Variants in AIG1 observed in about 807,000 individuals in gnomAD.
AIG1 encodes androgen induced 1, also known as androgen-induced gene 1 protein.
AIG1 carries 23 observed loss-of-function variants against 31.4 expected under a neutral mutation model. The observed-to-expected ratio is 0.73, with a 90% CI of 0.53 to 1.04. The LOEUF is 1.04. Among genes scored for constraint, AIG1 ranks in the 50% least tolerant of loss-of-function variants. The pLI is 0.00. For synonymous variants in AIG1, 100 were observed against 110.5 expected, an observed-to-expected ratio of 0.90 and a Z score of 0.60; for missense variants, 274 against 295.0, an observed-to-expected ratio of 0.93 and a Z score of 0.52.
In AIG1 at chr6:143,321,514, C is replaced by T. The variant is rs150488985; in HGVS notation, c.516-11768C>T. 7.7e-3 allele frequency among the ~76,000 whole-genome samples: 1,172 copies of T among 152,050 alleles called. 13 individuals are homozygous for T. Among genetic ancestry groups the T allele is most frequent in the African/African-American group, 0.027 (1,112 of 41,470 alleles). The stretch of plus-strand genomic sequence containing the variant: ...CTCAGGAGTCTGAGGCAGAGAATCT[C>T]TTGAACCTGGGAGGCAAAGGTTGCA... On this transcript the variant is annotated intron_variant, in intron 4 of 5. Transcript: ENST00000357847.
intron 4 of AIG1, among the ~76,000 whole-genome samples, chr6:143,296,086 T>TAC (rs1008728584): frequency 6.6e-6 from 1 of 151,696 alleles, no homozygotes; most frequent in Non-Finnish European, 1.5e-5. Flanking sequence ...CGCACACACA[T>TAC]ACACACACAC....
intron 1 of AIG1, among the ~76,000 whole-genome samples, chr6:143,078,721 A>G (rs1777948168): frequency 6.6e-6 from 1 of 152,134 alleles, no homozygotes; most frequent in Non-Finnish European, 1.5e-5. Flanking sequence ...AACCACCCCC[A>G]TGATTCAATT....
In AIG1 at chr6:143,339,771, C is replaced by G; in HGVS notation, c.*95C>G. Reference sequence around the variant, plus strand: ...TGGGGGAGAAAAGGCTTCAAAGGAACTTGGTGGCATCAGCACCCCCCTCCC... The same window carrying G: ...TGGGGGAGAAAAGGCTTCAAAGGAAGTTGGTGGCATCAGCACCCCCCTCCC... On this transcript the variant is annotated 3_prime_UTR_variant, in exon 6 of 6. Coordinates refer to ENST00000357847, the MANE Select transcript of AIG1 (RefSeq NM_016108.4). 2 of 1,368,514 alleles carry G rather than the reference C, an allele frequency of 1.5e-6. No homozygotes were observed. Among genetic ancestry groups the G allele is most frequent in the Non-Finnish European group, 2.0e-6 (2 of 983,298 alleles). The allele number at this position is 1,368,514 out of a possible 1,614,324, so 84.8% of individuals were successfully genotyped here.
chr6:143,092,483 G>T (rs1463122830), intron 1 of AIG1, among the ~76,000 whole-genome samples: 1 of 152,016 alleles, frequency 6.6e-6, no homozygotes, highest in East Asian at 1.9e-4. Context: ...CTGCAGAATG[G>T]GTGTTGTGTC....
chr6:143,335,629 T>G (rs1031750300), intron 5 of AIG1: 1 of 152,166 alleles, frequency 6.6e-6, no homozygotes, highest in Non-Finnish European at 1.5e-5. Flanking sequence ...CCCACTGTTC[T>G]ATTCTGGTGA....
chr6:143,182,056 T>C (rs1323831369), intron 3 of AIG1, among the ~76,000 whole-genome samples: 2 of 152,148 alleles, frequency 1.3e-5, no homozygotes, highest in African/African-American at 2.4e-5. Flanking sequence ...AGTCTCACTT[T>C]GTTGCACAGC....
chr6:143,319,813 G>T (rs1054462789), intron 4 of AIG1, among the ~76,000 whole-genome samples: 2 of 151,798 alleles, frequency 1.3e-5, no homozygotes, highest in African/African-American at 4.8e-5. Context: ...GATTTTAAGG[G>T]ATTATTATGA....
intron 1 of AIG1, among the ~76,000 whole-genome samples, chr6:143,064,972 A>G (rs1776563849): frequency 1.3e-5 from 2 of 152,242 alleles, no homozygotes; most frequent in South Asian, 4.1e-4. Flanking sequence ...GGAAAATTAC[A>G]GTAAAAGGTG....
chr6:143,314,184 TAAAAAAAAAAA>T (rs35691634), intron 4 of AIG1, among the ~76,000 whole-genome samples: 3 of 90,614 alleles, frequency 3.3e-5, no homozygotes, highest in East Asian at 2.7e-4. Flanking sequence ...ACCCATCTCT[TAAAAAAAAAAA>T]AAAAAAAAAA....
In AIG1 at chr6:143,312,327, TAATGAAA is replaced by T. The variant is rs558360657; in HGVS notation, c.516-20953_516-20947del. ...TTCAAATTATACTACAGAGATATAT[TAATGAAA>T]ACAGCATAGTACTGGCATAAAAGCT... On this transcript the variant is annotated intron_variant, in intron 4 of 5. Transcript: ENST00000357847. 4.5e-3 allele frequency among the ~76,000 whole-genome samples: 682 copies of T among 152,104 alleles called. 2 individuals are homozygous for T. The highest frequency in any genetic ancestry group is 0.015 in the African/African-American group (642 of 41,522).
chr6:143,339,556 G>C lies in AIG1; in HGVS notation c.680-83G>C, dbSNP rs1188551636. 11 of 1,405,114 alleles carry C rather than the reference G, an allele frequency of 7.8e-6. No individual in the cohort carries two copies. In the Admixed American group the frequency reaches 1.6e-4, roughly 20 times the overall value. 87.0% of individuals were successfully genotyped at this position (1,405,114 alleles called of 1,614,324 possible). A position where few individuals can be genotyped will look rare whatever the true frequency, so the allele number is the denominator to read the frequency against. On this transcript the variant is annotated intron_variant, in intron 5 of 5. Coordinates refer to ENST00000357847, the MANE Select transcript of AIG1 (RefSeq NM_016108.4). Reference sequence around the variant, plus strand: ...AGTGAGGGCAGATGAGTGGATGTGTGAGTAGTGTTAGCAAGCCAGATTAAA... The same window carrying C: ...AGTGAGGGCAGATGAGTGGATGTGTCAGTAGTGTTAGCAAGCCAGATTAAA...
chr6:143,182,719 T>C (rs1398669721), intron 3 of AIG1, among the ~76,000 whole-genome samples: 1 of 152,236 alleles, frequency 6.6e-6, no homozygotes, highest in Non-Finnish European at 1.5e-5. Flanking sequence ...TTCCATAGGG[T>C]AGGGGTCTTT....
At chr6:143,195,446 G>A (rs919258747) in intron 3 of AIG1, among the ~76,000 whole-genome samples, 7 of 152,298 alleles carry the variant, frequency 4.6e-5, no homozygotes, top group Middle Eastern at 3.4e-3. Context: ...GTGACTCAGT[G>A]TTATCCTGAT....
intron 3 of AIG1, among the ~76,000 whole-genome samples, chr6:143,169,819 A>G (rs1304435635): frequency 6.6e-6 from 1 of 152,104 alleles, no homozygotes; most frequent in Non-Finnish European, 1.5e-5. Flanking sequence ...TGTAAATGAT[A>G]TTTAATTTTA....
chr6:143,281,394 A>G (rs1797332593), intron 3 of AIG1, among the ~76,000 whole-genome samples: 1 of 152,222 alleles, frequency 6.6e-6, no homozygotes. Flanking sequence ...CAAAACACTA[A>G]GAGTGCTGTT....
chr6:143,082,879 C>T (rs551594862), intron 1 of AIG1, among the ~76,000 whole-genome samples: 1 of 152,336 alleles, frequency 6.6e-6, no homozygotes, highest in South Asian at 2.1e-4. Context: ...TTAGGCCCTA[C>T]TTTAGGACCT....
chr6:143,217,291 A>G (rs931762639), intron 3 of AIG1, among the ~76,000 whole-genome samples: 1 of 152,160 alleles, frequency 6.6e-6, no homozygotes, highest in African/African-American at 2.4e-5. Context: ...ATAGCCTACA[A>G]TCAAAAACTT....
intron 3 of AIG1, among the ~76,000 whole-genome samples, chr6:143,220,228 C>T (rs1189949373): frequency 2.6e-5 from 4 of 152,174 alleles, no homozygotes; most frequent in Non-Finnish European, 5.9e-5. Flanking sequence ...ACCATCCTAA[C>T]TAAAGATACC....
Position 143,291,630 on chromosome 6 carries a change from A to G in AIG1, c.515+7405A>G, listed in dbSNP as rs1798064862. On this transcript the variant is annotated intron_variant, in intron 4 of 5. Transcript: ENST00000357847. The surrounding 1 kb of genome is among the most constrained non-coding windows in gnomAD (Gnocchi z 4.2). ...TTCCATTTCCCCCGCCAGAAAGGAA[A>G]GAGGCATCTCAGAACCAGTCCACGT... 6.6e-6 allele frequency among the ~76,000 whole-genome samples: 1 copy of G among 152,214 alleles called. No homozygotes were observed. Among genetic ancestry groups the G allele is most frequent in the Admixed American group, 6.5e-5 (1 of 15,290 alleles).
Sources: allele counts gnomAD v4.1 joint callset (sites outside exome capture counted in the v4.1 genomes callset), GRCh38; gene constraint gnomAD v4.1.1; non-coding constraint Gnocchi (gnomAD v3.1); transcripts MANE v1.5; gene names NCBI Gene and HGNC (gene_info 2026-07-23, HGNC 2026-07-21).